LGR4: variants seen among roughly 807,000 people sequenced by gnomAD.
The protein encoded by LGR4 is leucine-rich repeat-containing G protein-coupled receptor 4.
In LGR4, 44 loss-of-function variants were observed where a neutral mutation model predicts 84.8. The observed-to-expected ratio is 0.52, with a 90% CI of 0.41 to 0.67. The LOEUF (loss-of-function observed/expected upper bound fraction) is 0.67, where lower values mean the gene tolerates loss of function less well. Ranked by LOEUF, LGR4 falls within the 30% of genes least tolerant of loss-of-function variation. LGR4 has a pLI of 0.00. For synonymous variants in LGR4, 429 were observed against 434.3 expected (o/e 0.99, Z 0.15); for missense variants, 1,032 against 1,131.4 (o/e 0.91, Z 1.26).
chr11:27,454,901 T>C (rs536907992), intron 1 of LGR4, among the ~76,000 whole-genome samples: 1 of 152,298 alleles, frequency 6.6e-6, no homozygotes, highest in East Asian at 1.9e-4. Flanking sequence ...TTTTATCTTG[T>C]CATCCAACAG....
chr11:27,431,381 C>T (rs1239456818), intron 1 of LGR4, among the ~76,000 whole-genome samples: 2 of 152,200 alleles, frequency 1.3e-5, no homozygotes, highest in Non-Finnish European at 2.9e-5. Context: ...CGTTCATGGT[C>T]TTCCCCACTA....
chr11:27,368,216 C>A lies in LGR4; in HGVS notation c.2507G>T (p.Cys836Phe). 2 of 1,614,236 alleles carry A rather than the reference C, an allele frequency of 1.2e-6. No homozygotes were observed. The highest frequency in any genetic ancestry group is 1.7e-6 in the Non-Finnish European group (2 of 1,180,034). The change falls in exon 18 of 18, where the codon TGT becomes TTT. Residue 836 changes from cysteine (C) to phenylalanine (F), a missense_variant. Physicochemically the swap from Cys to Phe is radical, Grantham distance 205. Transcript: ENST00000379214. ...GTCGTAGTAGAAATCCTGTTCCAGA[C>A]AACCACCTTGGCTACTGATGGAAAC... is the stretch of plus-strand genomic sequence containing the variant. ...VSVSISSQGG[C>F]LEQDFYYDCG...
At chr11:27,445,556 T>TC (rs1466836553) in intron 1 of LGR4, among the ~76,000 whole-genome samples, 1 of 151,902 alleles carries the variant, frequency 6.6e-6, no homozygotes, top group African/African-American at 2.4e-5. Context: ...TTGTCCCTCC[T>TC]CCCCCAACGA....
intron 1 of LGR4, among the ~76,000 whole-genome samples, chr11:27,418,271 G>T (rs1330264354): frequency 6.6e-6 from 1 of 152,220 alleles, no homozygotes; most frequent in Admixed American, 6.5e-5. Flanking sequence ...AACAAGAACA[G>T]CTACATGAAG....
chr11:27,407,222 T>C (rs1863628380), intron 2 of LGR4, among the ~76,000 whole-genome samples: 1 of 152,156 alleles, frequency 6.6e-6, no homozygotes, highest in Non-Finnish European at 1.5e-5. Flanking sequence ...GCAAACTTAC[T>C]ACAGGAAATA....
chr11:27,375,977 C>CTT (rs1251904788), intron 13 of LGR4, among the ~76,000 whole-genome samples: 5 of 141,670 alleles, frequency 3.5e-5, no homozygotes, highest in East Asian at 2.0e-4. Flanking sequence ...CAAATTATAT[C>CTT]TTTTTTTTTT....
At position 27,392,524 on chromosome 11, in the gene LGR4, G is replaced by T; in HGVS notation, c.258-6C>A. On this transcript the variant is annotated splice_region_variant and splice_polypyrimidine_tract_variant and intron_variant, in intron 2 of 17. Coordinates refer to ENST00000379214, the MANE Select transcript of LGR4 (RefSeq NM_018490.5). ...GGTCGTTGCCCGCCAATTGTCTAGAGAAAAAAAAAAAAAAAGTAGCAAGAA... is the reference window on the plus strand; with the variant it reads ...GGTCGTTGCCCGCCAATTGTCTAGATAAAAAAAAAAAAAAAGTAGCAAGAA... 112 of 1,246,270 alleles carry T rather than the reference G, an allele frequency of 9.0e-5. No individual in the cohort carries two copies. The highest frequency in any genetic ancestry group is 1.1e-4 in the Non-Finnish European group (103 of 953,284). 77.2% of individuals were successfully genotyped at this position (1,246,270 alleles called of 1,614,324 possible).
intron 16 of LGR4, among the ~76,000 whole-genome samples, chr11:27,371,971 T>G (rs552357417): frequency 1.1e-4 from 17 of 152,272 alleles, no homozygotes; most frequent in Middle Eastern, 3.4e-3. Context: ...CTCAAAGGAT[T>G]CTCCCACCTC....
At chr11:27,386,046 CT>C (rs1863181616) in intron 4 of LGR4, among the ~76,000 whole-genome samples, 1 of 152,128 alleles carries the variant, frequency 6.6e-6, no homozygotes, top group Admixed American at 6.5e-5. Flanking sequence ...GGCAAAGCAA[CT>C]TTTTCTTCTT....
intron 1 of LGR4, among the ~76,000 whole-genome samples, chr11:27,448,655 C>A (rs1348614411): frequency 2.0e-5 from 3 of 152,158 alleles, no homozygotes; most frequent in Non-Finnish European, 4.4e-5. Flanking sequence ...CATTTGTTCA[C>A]AATCCAAATT....
At chr11:27,434,630 A>C (rs1364811682) in intron 1 of LGR4, among the ~76,000 whole-genome samples, 3 of 152,186 alleles carry the variant, frequency 2.0e-5, no homozygotes, top group Non-Finnish European at 4.4e-5. Flanking sequence ...GCAGTGGCTA[A>C]AGACAATCTG....
chr11:27,398,223 T>C (rs1008274572), intron 2 of LGR4, among the ~76,000 whole-genome samples: 1 of 152,192 alleles, frequency 6.6e-6, no homozygotes, highest in African/African-American at 2.4e-5. Flanking sequence ...CTGTCTTAAA[T>C]ATGGGGCACT....
rs762903356 is a variant in LGR4 at position 27,376,304 on chromosome 11, C to A, written c.1176G>T (p.Arg392Ser). ...EGTFQGLISL[R>S]ILDLSRNLIH... The stretch of plus-strand genomic sequence containing the variant: ...ATAATCATAGACAAACTTACAGAAT[C>A]CTTAGAGATATCAGGCCTTGAAAGG... Residue 392 changes from arginine (R) to serine (S), a missense_variant, in exon 13 of 18, where the codon AGG becomes AGT. By Grantham distance (110) the Arg-to-Ser change is moderately radical. Transcript: ENST00000379214. 41 of 1,563,868 alleles carry A rather than the reference C, an allele frequency of 2.6e-5. No individual in the cohort carries two copies. Among genetic ancestry groups the A allele is most frequent in the Non-Finnish European group, 3.4e-5 (39 of 1,140,808 alleles).
At chr11:27,389,366 T>C (rs1863240661) in intron 4 of LGR4, among the ~76,000 whole-genome samples, 1 of 152,258 alleles carries the variant, frequency 6.6e-6, no homozygotes, top group South Asian at 2.1e-4. Flanking sequence ...ATTTTGGAGA[T>C]AATTTAAACT....
chr11:27,419,320 T>C (rs887483258), intron 1 of LGR4, among the ~76,000 whole-genome samples: 7 of 151,936 alleles, frequency 4.6e-5, no homozygotes, highest in African/African-American at 1.7e-4. Flanking sequence ...AAGATGTTCA[T>C]AGTAGTTACG....
intron 1 of LGR4, among the ~76,000 whole-genome samples, chr11:27,415,463 C>T (rs982327870): frequency 6.6e-6 from 1 of 152,122 alleles, no homozygotes; most frequent in Non-Finnish European, 1.5e-5. Context: ...CACACACACA[C>T]GCACAGCTCT....
intron 1 of LGR4, among the ~76,000 whole-genome samples, chr11:27,414,995 A>C (rs936722746): frequency 6.6e-6 from 1 of 152,198 alleles, no homozygotes; most frequent in Admixed American, 6.5e-5. Flanking sequence ...AATGTTTCTG[A>C]AAAGTTTATC....
At chr11:27,463,067 CA>C (rs35718980) in intron 1 of LGR4, among the ~76,000 whole-genome samples, 10,358 of 50,692 alleles carry the variant, frequency 0.2, 213 homozygotes, top group African/African-American at 0.3. Flanking sequence ...ACCCTGTCTC[CA>C]AAAAAAAAAA....
chr11:27,391,383 T>C (rs1410096317), intron 3 of LGR4, among the ~76,000 whole-genome samples: 4 of 152,118 alleles, frequency 2.6e-5, no homozygotes, highest in African/African-American at 9.7e-5. Flanking sequence ...TCCCAAGCCA[T>C]GCCCTAATAC....
Sources: allele counts gnomAD v4.1 joint callset (sites outside exome capture counted in the v4.1 genomes callset), GRCh38; gene constraint gnomAD v4.1.1; transcripts MANE v1.5; gene names NCBI Gene and HGNC (gene_info 2026-07-23, HGNC 2026-07-21).